Variants in ROBO3 observed in about 807,000 individuals in gnomAD.
ROBO3 encodes roundabout homolog 3.
A neutral mutation model predicts 160.5 loss-of-function variants in ROBO3; 97 were observed. The ratio of observed to expected loss-of-function variants is 0.60; its 90% CI spans 0.51 to 0.72. The LOEUF (loss-of-function observed/expected upper bound fraction) is 0.72, where lower values mean the gene tolerates loss of function less well. Among genes scored for constraint, ROBO3 ranks in the 30% least tolerant of loss-of-function variants. ROBO3 has a pLI of 0.00. For synonymous variants in ROBO3, 780 were observed against 746.2 expected, an observed-to-expected ratio of 1.05 and a Z score of -0.74; for missense variants, 1,858 against 1,846.5, an observed-to-expected ratio of 1.01 and a Z score of -0.11.
rs1232350859 is a variant in ROBO3, at chr11:124,876,873, A to G, written c.2780-288A>G. The stretch of plus-strand genomic sequence containing the variant: ...AGGCGGGGCCCGCTGAAAGAAGGCG[A>G]TCCGAGTTCTGCTACTTCCTAGTAA... On this transcript the variant is annotated intron_variant, in intron 17 of 27. Transcript: ENST00000397801. The surrounding 1 kb of genome is among the most constrained non-coding windows in gnomAD (Gnocchi z 5.3). 5.2e-6 allele frequency: 3 copies of G among 574,088 alleles called. No homozygotes were observed. In the African/African-American group the frequency reaches 5.6e-5, roughly 11 times the overall value. The allele number at this position is 574,088 out of a possible 1,614,324, so 35.6% of individuals were successfully genotyped here. A position where few individuals can be genotyped will look rare whatever the true frequency, so the allele number is the denominator to read the frequency against.
chr11:124,877,443 C>T, intron 19 of ROBO3, 76 bp from the exon 20 acceptor site: 1 of 1,596,298 alleles, frequency 6.3e-7, no homozygotes, highest in Non-Finnish European at 8.6e-7. Flanking sequence ...CTGAAACTCC[C>T]GAATATCGCC....
Position 124,876,932 on chromosome 11 carries a change from G to T in ROBO3, c.2780-229G>T. ...TCTGGAGAGATTCTGAGGTGTTTGA[G>T]GTCAGTGGTTTTCAATCTTGGTTGG... On this transcript the variant is annotated intron_variant, in intron 17 of 27. Coordinates refer to ENST00000397801, the MANE Select transcript of ROBO3 (RefSeq NM_022370.4). This position sits in a 1 kb window ranked among gnomAD's most constrained non-coding sequence, Gnocchi z 5.3. 4.8e-6 allele frequency: 3 copies of T among 629,192 alleles called. No individual in the cohort carries two copies. The highest frequency in any genetic ancestry group is 3.7e-5 in the South Asian group (2 of 53,762). The allele number at this position is 629,192 out of a possible 1,614,324, so 39.0% of individuals were successfully genotyped here. A position where few individuals can be genotyped will look rare whatever the true frequency, so the allele number is the denominator to read the frequency against.
intron 5 of ROBO3, 96 bp from the exon 6 acceptor site, chr11:124,870,505 C>T: frequency 3.8e-6 from 6 of 1,573,902 alleles, no homozygotes; most frequent in Non-Finnish European, 5.2e-6. Context: ...TGGGTCCTGC[C>T]TGTCTTTAAG....
At position 124,869,061 on chromosome 11, in the gene ROBO3, C is replaced by T; in HGVS notation, c.420C>T (p.Val140=). ...HGRRARPDEG[V]YTCVARNYLG... ...GCCGCGCGCGGCCGGACGAAGGTGT[C>T]TACACTTGCGTGGCTCGCAACTACC... Residue 140 remains valine, a synonymous_variant, in exon 2 of 28, where the codon GTC becomes GTT. Transcript: ENST00000397801. This position sits in a 1 kb window ranked among gnomAD's most constrained non-coding sequence, Gnocchi z 4.2. 1 of 1,602,186 alleles carries T rather than the reference C, an allele frequency of 6.2e-7. No individual in the cohort carries two copies. The highest frequency in any genetic ancestry group is 8.5e-7 in the Non-Finnish European group (1 of 1,174,766).
rs1304537526 is a variant in ROBO3, at chr11:124,875,146, G to A, written c.2109G>A (p.Arg703=). ...CAGTCCAGCTGGTGCAAGGTTTCCG[G>A]GTGTCTTGGAGGGTAGCAGGCCCTG... is the stretch of plus-strand genomic sequence containing the variant. ...DGPVQLVQGF[R]VSWRVAGPEG... is the part of the protein sequence containing the mutation. The change falls in exon 14 of 28, where the codon CGG becomes CGA. Residue 703 remains arginine (R), a synonymous_variant. Coordinates refer to ENST00000397801, the MANE Select transcript of ROBO3 (RefSeq NM_022370.4). 6.2e-7 allele frequency: 1 copy of A among 1,612,568 alleles called. No individual in the cohort carries two copies. The highest frequency in any genetic ancestry group is 1.3e-5 in the African/African-American group (1 of 74,914).
Position 124,869,429 on chromosome 11 carries a change from G to GCCCCCCCCCCCCCCCCCCCC in ROBO3, c.488-15_488-14insCCCCCCCCCCCCCCCCCCCC, listed in dbSNP as rs34127060. 4.6e-5 allele frequency: 60 copies of GCCCCCCCCCCCCCCCCCCCC among 1,301,820 alleles called. No homozygotes were observed. The highest frequency in any genetic ancestry group is 1.0e-4 in the South Asian group (8 of 79,962). 80.6% of individuals were successfully genotyped at this position (1,301,820 alleles called of 1,614,324 possible). A position where few individuals can be genotyped will look rare whatever the true frequency, so the allele number is the denominator to read the frequency against. The stretch of plus-strand genomic sequence containing the variant: ...TGTCACTCTACACCCTGCTTATTTC[G>GCCCCCCCCCCCCCCCCCCCC]CCCCCCACCGCCCCGCCCAGTCCTC... On this transcript the variant is annotated intron_variant, in intron 2 of 27. Transcript: ENST00000397801. This position sits in a 1 kb window ranked among gnomAD's most constrained non-coding sequence, Gnocchi z 4.2.
intron 1 of ROBO3, chr11:124,868,444 G>A (rs1040809097): frequency 3.5e-6 from 2 of 572,154 alleles, no homozygotes; most frequent in African/African-American, 1.9e-5. Flanking sequence ...AAACCACTGG[G>A]CAGGAGGCGA....
chr11:124,869,428 C>CGCCG lies in ROBO3; in HGVS notation c.488-19_488-18insGGCC. ...ATGTCACTCTACACCCTGCTTATTTCGCCCCCCACCGCCCCGCCCAGTCCT... is the reference window on the plus strand; with the variant it reads ...ATGTCACTCTACACCCTGCTTATTTCGCCGGCCCCCCACCGCCCCGCCCAGTCCT... On this transcript the variant is annotated intron_variant, in intron 2 of 27. Coordinates refer to ENST00000397801, the MANE Select transcript of ROBO3 (RefSeq NM_022370.4). The surrounding 1 kb of genome is among the most constrained non-coding windows in gnomAD (Gnocchi z 4.2). The CGCCG allele has an allele frequency of 2.2e-6, 3 of 1,383,816 alleles. No homozygotes were observed. Among genetic ancestry groups the CGCCG allele is most frequent in the Non-Finnish European group, 3.0e-6 (3 of 1,012,434 alleles). 85.7% of individuals were successfully genotyped at this position (1,383,816 alleles called of 1,614,324 possible). A position where few individuals can be genotyped will look rare whatever the true frequency, so the allele number is the denominator to read the frequency against.
intron 25 of ROBO3, 41 bp from the exon 26 acceptor site, chr11:124,879,746 G>A (rs1307435058): frequency 1.2e-6 from 2 of 1,608,840 alleles, no homozygotes; most frequent in Admixed American, 1.7e-5. Flanking sequence ...ATTAGTGACA[G>A]GAGTGGCAGG....
intron 27 of ROBO3, 67 bp downstream of exon 27, chr11:124,880,675 GA>G: frequency 6.9e-7 from 1 of 1,453,864 alleles, no homozygotes; most frequent in East Asian, 2.5e-5. Flanking sequence ...AGGCGTAATG[GA>G]AAACAGGAAG....
rs1390106670 is a variant in ROBO3, at chr11:124,875,606, G to T, written c.2342G>T (p.Gly781Val). The change falls in exon 15 of 28, where the codon GGT (glycine) becomes GTT (valine). Residue 781 changes from glycine (G) to valine (V), a missense_variant. Transcript: ENST00000397801. ...PPQGVAVALGGDGNSSITVSW... is the reference protein window; with the variant it reads ...PPQGVAVALGVDGNSSITVSW... ...CAGGGAGTGGCGGTGGCCTTGGGGGGTGATGGCAACAGCAGTATCACTGTG... is the reference window on the plus strand; with the variant it reads ...CAGGGAGTGGCGGTGGCCTTGGGGGTTGATGGCAACAGCAGTATCACTGTG... The T allele has an allele frequency of 6.2e-6, 10 of 1,611,582 alleles. No individual in the cohort carries two copies. The highest frequency in any genetic ancestry group is 8.5e-6 in the Non-Finnish European group (10 of 1,179,068).
chr11:124,867,880 G>A (rs961603821), intron 1 of ROBO3, among the ~76,000 whole-genome samples: 2 of 152,150 alleles, frequency 1.3e-5, no homozygotes, highest in African/African-American at 4.8e-5. Context: ...GCACCTACTG[G>A]CCGCCACGGG....
In ROBO3 at chr11:124,874,064, T is replaced by C. The variant is rs1946314875; in HGVS notation, c.1785-6T>C. 6.2e-7 allele frequency: 1 copy of C among 1,613,756 alleles called. No individual in the cohort carries two copies. Among genetic ancestry groups the C allele is most frequent in the Non-Finnish European group, 8.5e-7 (1 of 1,179,880 alleles). Reference sequence around the variant, plus strand: ...AGACAACCCTGTCATCTCCTTCTTGTTGTAGCCCAGCAGCTGGCAACACAT... The same window carrying C: ...AGACAACCCTGTCATCTCCTTCTTGCTGTAGCCCAGCAGCTGGCAACACAT... On this transcript the variant is annotated splice_polypyrimidine_tract_variant and splice_region_variant and intron_variant, in intron 11 of 27. Transcript: ENST00000397801.
rs780054504 is a variant in ROBO3, at chr11:124,879,592, C to T, written c.3796+17C>T. On this transcript the variant is annotated intron_variant, in intron 25 of 27. Transcript: ENST00000397801. ...GTCCTGGGGGTGAGGGGGGATGCAC[C>T]TGGGAGATGGTGACAGTAGTGGCGG... 6.3e-7 allele frequency: 1 copy of T among 1,599,880 alleles called. No individual in the cohort carries two copies. The highest frequency in any genetic ancestry group is 1.3e-5 in the African/African-American group (1 of 74,526).
At position 124,877,971 on chromosome 11, in the gene ROBO3, CAG is replaced by C; in HGVS notation, c.3022_3023del (p.Arg1008GlyfsTer12). On this transcript the variant is annotated frameshift_variant, in exon 21 of 28. Coordinates refer to ENST00000397801, the MANE Select transcript of ROBO3 (RefSeq NM_022370.4). LOFTEE classifies it high-confidence loss of function. ...TCTCCCTGTATCTAGCTCAGACGGCCAGGGGCACGGCCGCCCCTGGCGAGGGT... is the reference window on the plus strand; with the variant it reads ...TCTCCCTGTATCTAGCTCAGACGGCCGGGCACGGCCGCCCCTGGCGAGGGT... ...GISLYLAQTA[R>X]GTAAPGEGPV... is the part of the protein sequence containing the mutation. 6.2e-7 allele frequency: 1 copy of C among 1,610,394 alleles called. No individual in the cohort carries two copies. The highest frequency in any genetic ancestry group is 8.5e-7 in the Non-Finnish European group (1 of 1,178,422).
chr11:124,876,166 G>T lies in ROBO3; in HGVS notation c.2593+41G>T. 1.3e-6 allele frequency: 2 copies of T among 1,559,652 alleles called. No individual in the cohort carries two copies. The highest frequency in any genetic ancestry group is 1.7e-6 in the Non-Finnish European group (2 of 1,158,040). Reference sequence around the variant, plus strand: ...GGCAGTGCTGAGGATCTTGACGGGGGCGGGGCAAGCCCCCCACTGGGGTAG... The same window carrying T: ...GGCAGTGCTGAGGATCTTGACGGGGTCGGGGCAAGCCCCCCACTGGGGTAG... On this transcript the variant is annotated intron_variant, in intron 16 of 27. Transcript: ENST00000397801. This position sits in a 1 kb window ranked among gnomAD's most constrained non-coding sequence, Gnocchi z 5.3.
Position 124,865,584 on chromosome 11 carries a change from C to A in ROBO3, c.7C>A (p.Arg3Ser). 6.2e-7 allele frequency: 1 copy of A among 1,611,504 alleles called. No individual in the cohort carries two copies. The highest frequency in any genetic ancestry group is 8.5e-7 in the Non-Finnish European group (1 of 1,179,682). ML[R>S]YLLKTLLQMN... Reference sequence around the variant, plus strand: ...ATCCCAGCTGGGTCGAGCCATGCTGCGCTACCTGCTGAAAACGCTGCTGCA... The same window carrying A: ...ATCCCAGCTGGGTCGAGCCATGCTGAGCTACCTGCTGAAAACGCTGCTGCA... Residue 3 changes from arginine (R) to serine (S), a missense_variant, in exon 1 of 28, where the codon CGC (arginine) becomes AGC (serine). Transcript: ENST00000397801. This position sits in a 1 kb window ranked among gnomAD's most constrained non-coding sequence, Gnocchi z 5.5.
chr11:124,872,875 C>T lies in ROBO3; in HGVS notation c.1331-9C>T, dbSNP rs971339239. The T allele has an allele frequency of 1.3e-6, 2 of 1,586,024 alleles. No individual in the cohort carries two copies. Among genetic ancestry groups the T allele is most frequent in the African/African-American group, 1.3e-5 (1 of 74,362 alleles). On this transcript the variant is annotated splice_polypyrimidine_tract_variant and intron_variant, in intron 8 of 27. Coordinates refer to ENST00000397801, the MANE Select transcript of ROBO3 (RefSeq NM_022370.4). This position sits in a 1 kb window ranked among gnomAD's most constrained non-coding sequence, Gnocchi z 4.3. ...CTCCCCTGAGGTGCACACGTTCTTC[C>T]TCTCTCAGCCTCTTTGGATGGGCTG...
rs1273703823 is a variant in ROBO3 at position 124,876,355 on chromosome 11, G to A, written c.2674G>A (p.Ala892Thr). 3.5e-6 allele frequency: 5 copies of A among 1,432,532 alleles called. No homozygotes were observed. The highest frequency in any genetic ancestry group is 3.6e-6 in the Non-Finnish European group (4 of 1,101,644). The allele number at this position is 1,432,532 out of a possible 1,614,324, so 88.7% of individuals were successfully genotyped here. The part of the protein sequence containing the change: ...VRLARVLREP[A>T]FLAGSGAACG... ...GCTGGCGAGGGTGCTGCGGGAGCCCGCCTTCCTCGCGGGCAGCGGCGCAGC... is the reference window on the plus strand; with the variant it reads ...GCTGGCGAGGGTGCTGCGGGAGCCCACCTTCCTCGCGGGCAGCGGCGCAGC... Residue 892 changes from alanine to threonine, a missense_variant, in exon 17 of 28, where the codon GCC (alanine) becomes ACC (threonine). Physicochemically the swap from Ala to Thr is moderately conservative, Grantham distance 58. Coordinates refer to ENST00000397801, the MANE Select transcript of ROBO3 (RefSeq NM_022370.4). This position sits in a 1 kb window ranked among gnomAD's most constrained non-coding sequence, Gnocchi z 5.3.
Sources: gnomAD v4.1 joint callset for allele counts (sites outside exome capture counted in the v4.1 genomes callset) on GRCh38, gnomAD v4.1.1 for gene constraint, Gnocchi (gnomAD v3.1) non-coding constraint, MANE v1.5 for transcripts, NCBI Gene and HGNC (gene_info 2026-07-23, HGNC 2026-07-21) for gene names.